Variants in NDST4 observed in about 807,000 individuals in gnomAD.
The protein encoded by NDST4 is N-heparan sulfate sulfotransferase 4.
In NDST4, 63 loss-of-function variants were observed where a neutral mutation model predicts 100.8. The ratio of observed to expected loss-of-function variants is 0.62; its 90% confidence interval spans 0.51 to 0.77. The LOEUF (loss-of-function observed/expected upper bound fraction) is 0.77, where lower values mean the gene tolerates loss of function less well. NDST4 is among the 30% of genes least tolerant of loss of function. The probability of loss-of-function intolerance (pLI) is 0.00; values close to 1 mark genes in which losing one functional copy is unlikely to be tolerated. For missense variants in NDST4, 943 were observed against 1,018.4 expected (o/e 0.93, Z 1.01); for synonymous variants, 377 against 361.8 (o/e 1.04, Z -0.48).
At chr4:115,094,306 A>G (rs1729577795) in intron 1 of NDST4, among the ~76,000 whole-genome samples, 1 of 152,260 alleles carries the variant, frequency 6.6e-6, no homozygotes, top group South Asian at 2.1e-4. Context: ...ACTGATGTCA[A>G]CAGAAGATCT....
intron 7 of NDST4, 92 bp from the exon 8 acceptor site, chr4:114,852,913 C>A (rs868335213): frequency 2.5e-6 from 2 of 806,536 alleles, no homozygotes; most frequent in Non-Finnish European, 1.9e-6. Flanking sequence ...CAAATTCTGG[C>A]CTAATACCTT....
intron 2 of NDST4, among the ~76,000 whole-genome samples, chr4:115,027,228 T>C (rs891170258): frequency 2.6e-5 from 4 of 152,272 alleles, no homozygotes; most frequent in East Asian, 1.9e-4. Flanking sequence ...CACGCATATG[T>C]TGGAGTCTTT....
intron 4 of NDST4, among the ~76,000 whole-genome samples, chr4:114,939,932 T>C (rs540763391): frequency 3.9e-5 from 6 of 152,200 alleles, no homozygotes; most frequent in Non-Finnish European, 7.3e-5. Context: ...GCTATTATCA[T>C]GGCGCTTACA....
At chr4:114,886,897 G>A (rs1724492048) in intron 6 of NDST4, among the ~76,000 whole-genome samples, 1 of 152,080 alleles carries the variant, frequency 6.6e-6, no homozygotes, top group African/African-American at 2.4e-5. Flanking sequence ...TTTATGAATT[G>A]CTTGCAAACA....
At chr4:114,934,954 T>A in intron 6 of NDST4, 1 of 201,140 alleles carries the variant, frequency 5.0e-6, no homozygotes, top group Non-Finnish European at 9.9e-6. Context: ...GCTACTTCTT[T>A]ACTGCTAGAA....
intron 4 of NDST4, chr4:114,956,041 C>T (rs569128032): frequency 6.6e-6 from 1 of 152,368 alleles, no homozygotes; most frequent in Non-Finnish European, 1.5e-5. Flanking sequence ...TATGCAGCCC[C>T]ACTCATAGAA....
In NDST4 at chr4:114,991,604, T is replaced by G. The variant is rs763877663; in HGVS notation, c.979-14330A>C. ...GGAAATATCAGTTGTTATTCACATTTGCAGGCAATGCATACCTCTAGCCAC... is the reference window on the plus strand; with the variant it reads ...GGAAATATCAGTTGTTATTCACATTGGCAGGCAATGCATACCTCTAGCCAC... On this transcript the variant is annotated intron_variant, in intron 2 of 13. Transcript: ENST00000264363. 9.2e-5 allele frequency among the ~76,000 whole-genome samples: 14 copies of G among 152,070 alleles called. 1 individual carries two copies. The highest frequency in any genetic ancestry group is 1.5e-4 in the Non-Finnish European group (10 of 67,942).
intron 1 of NDST4, among the ~76,000 whole-genome samples, chr4:115,096,766 A>T (rs1337088965): frequency 6.6e-6 from 1 of 152,004 alleles, no homozygotes; most frequent in African/African-American, 2.4e-5. Flanking sequence ...CTTACTTCAC[A>T]ATCTATCGCT....
In NDST4 at chr4:114,920,334, G is replaced by T. The variant is rs980897707; in HGVS notation, c.1536+14872C>A. Among the ~76,000 whole-genome samples the T allele has an allele frequency of 5.3e-5, 8 of 152,104 alleles. 1 individual carries two copies. Among genetic ancestry groups the T allele is most frequent in the Non-Finnish European group, 1.0e-4 (7 of 68,010 alleles). On this transcript the variant is annotated intron_variant, in intron 6 of 13. Coordinates refer to ENST00000264363, the MANE Select transcript of NDST4 (RefSeq NM_022569.3). ...TGTCTATATAGATTTGATTTCTTGA[G>T]CAAGTTAAGTGAATTGCAGAATGGA...
In NDST4 at chr4:114,893,489, T is replaced by A. The variant is rs147031461; in HGVS notation, c.1537-22539A>T. Among the ~76,000 whole-genome samples the A allele has an allele frequency of 7.4e-3, 1,123 of 152,346 alleles. 10 individuals carry two copies. Among genetic ancestry groups the A allele is most frequent in the South Asian group, 0.012 (56 of 4,826 alleles). ...GTGGTTTTGATTTGCATTTCTCTGATGATCAGTGATGTTGATCTTTTTTTC... is the reference window on the plus strand; with the variant it reads ...GTGGTTTTGATTTGCATTTCTCTGAAGATCAGTGATGTTGATCTTTTTTTC... On this transcript the variant is annotated intron_variant, in intron 6 of 13. Transcript: ENST00000264363.
At chr4:115,088,207 T>A (rs1729445275) in intron 1 of NDST4, among the ~76,000 whole-genome samples, 1 of 152,070 alleles carries the variant, frequency 6.6e-6, no homozygotes, top group South Asian at 2.1e-4. Context: ...GGCTCAAAAT[T>A]ATGCAGGGAG....
intron 4 of NDST4, among the ~76,000 whole-genome samples, chr4:114,957,685 G>T (rs928983904): frequency 6.6e-6 from 1 of 152,048 alleles, no homozygotes; most frequent in Non-Finnish European, 1.5e-5. Context: ...CATCTATGAC[G>T]GTAAAATCAA....
chr4:114,925,361 A>G (rs1213563939), intron 6 of NDST4, among the ~76,000 whole-genome samples: 1 of 152,124 alleles, frequency 6.6e-6, no homozygotes, highest in African/African-American at 2.4e-5. Context: ...ATGCAGCTCT[A>G]TATTATTTCA....
At chr4:115,094,936 AGGTTTTAGT>A (rs1729591302) in intron 1 of NDST4, among the ~76,000 whole-genome samples, 1 of 152,172 alleles carries the variant, frequency 6.6e-6, no homozygotes, top group Non-Finnish European at 1.5e-5. Context: ...TAAGGCACTC[AGGTTTTAGT>A]GCTTTATTAT....
chr4:114,828,309 A>AT (rs1394214666), intron 13 of NDST4, among the ~76,000 whole-genome samples: 4 of 151,266 alleles, frequency 2.6e-5, no homozygotes, highest in Non-Finnish European at 4.4e-5. Context: ...ATGTACATAC[A>AT]TTTTTTTTTG....
chr4:115,017,384 C>T (rs1727701371), intron 2 of NDST4, among the ~76,000 whole-genome samples: 1 of 151,934 alleles, frequency 6.6e-6, no homozygotes, highest in Non-Finnish European at 1.5e-5. Context: ...GTTTTATCCA[C>T]CAAACACATT....
At chr4:114,906,388 T>C (rs77632290) in intron 6 of NDST4, among the ~76,000 whole-genome samples, 2,789 of 151,876 alleles carry the variant, frequency 0.018, 80 homozygotes, top group African/African-American at 0.064. Flanking sequence ...TTTTTTTTGT[T>C]ATGAAAGGAG....
chr4:115,033,145 AT>A (rs1728153059), intron 2 of NDST4, among the ~76,000 whole-genome samples: 1 of 128,886 alleles, frequency 7.8e-6, no homozygotes, highest in African/African-American at 3.2e-5. Context: ...ATATATATAT[AT>A]ATATATATAT....
chr4:115,030,243 G>A (rs867729383), intron 2 of NDST4, among the ~76,000 whole-genome samples: 3 of 152,196 alleles, frequency 2.0e-5, no homozygotes, highest in Admixed American at 6.5e-5. Flanking sequence ...AGACATCAGG[G>A]ATGCTTTTCT....
Sources: gnomAD v4.1 joint callset for allele counts (sites outside exome capture counted in the v4.1 genomes callset) on GRCh38, gnomAD v4.1.1 for gene constraint, MANE v1.5 for transcripts, NCBI Gene and HGNC (gene_info 2026-07-23, HGNC 2026-07-21) for gene names.